NEO1: variants seen among roughly 807,000 people sequenced by gnomAD.
NEO1 encodes neogenin.
A neutral mutation model predicts 159.7 loss-of-function variants in NEO1; 63 were observed. That is an observed-to-expected ratio of 0.39 (90% CI 0.32 to 0.49). The LOEUF (loss-of-function observed/expected upper bound fraction) is 0.49. NEO1 is among the 20% of genes least tolerant of loss of function. NEO1 has a pLI of 0.85. For synonymous variants in NEO1, 633 were observed against 662.0 expected (o/e 0.96, Z 0.67); for missense variants, 1,615 against 1,831.0 (o/e 0.88, Z 2.15).
Position 73,258,819 on chromosome 15 carries a change from G to A in NEO1, c.2146G>A (p.Gly716Ser). Residue 716 changes from glycine to serine, a missense_variant, in exon 14 of 29, where the codon GGT (glycine) becomes AGT (serine). Transcript: ENST00000261908. ...NFRVAALTIN[G>S]TGPATDWLSA... ...CCGAGTGGCTGCTCTAACAATCAAT[G>A]GTACAGGCCCGGCAACTGACTGGCT... 2 of 1,613,906 alleles carry A rather than the reference G, an allele frequency of 1.2e-6. No homozygotes were observed. The highest frequency in any genetic ancestry group is 1.7e-6 in the Non-Finnish European group (2 of 1,179,892).
At chr15:73,301,292 A>G (rs1567737683) in intron 27 of NEO1, 29 bp from the exon 28 acceptor site, 1 of 1,613,806 alleles carries the variant, frequency 6.2e-7, no homozygotes, top group Admixed American at 1.7e-5. Flanking sequence ...AGGCTTGGCC[A>G]CATATCTGAT....
At chr15:73,201,585 G>A (rs2036891475) in intron 7 of NEO1, among the ~76,000 whole-genome samples, 2 of 152,072 alleles carry the variant, frequency 1.3e-5, no homozygotes, top group Non-Finnish European at 2.9e-5. Context: ...AATTGATATA[G>A]ATGACTGTTC....
At position 73,258,832 on chromosome 15, in the gene NEO1, C is replaced by T. The variant is rs766096952; in HGVS notation, c.2159C>T (p.Ala720Val). ...CTAACAATCAATGGTACAGGCCCGG[C>T]AACTGACTGGCTGTCTGCTGAAACT... ...AALTINGTGP[A>V]TDWLSAETFE... is the part of the protein sequence containing the mutation. The change falls in exon 14 of 29, where the codon GCA (alanine) becomes GTA (valine). Residue 720 changes from alanine (A) to valine (V), a missense_variant. By Grantham distance (64) the Ala-to-Val change is moderately conservative. Around this residue, in one of 3 missense-constraint regions of NEO1, gnomAD observed 1,018 missense variants for 1,115.4 expected, o/e 0.91. Coordinates refer to ENST00000261908, the MANE Select transcript of NEO1 (RefSeq NM_002499.4). 1.2e-6 allele frequency: 2 copies of T among 1,613,880 alleles called. No individual in the cohort carries two copies. The highest frequency in any genetic ancestry group is 1.7e-6 in the Non-Finnish European group (2 of 1,179,874).
chr15:73,263,497 A>G (rs2040733518), intron 15 of NEO1, among the ~76,000 whole-genome samples: 1 of 152,068 alleles, frequency 6.6e-6, no homozygotes, highest in South Asian at 2.1e-4. Flanking sequence ...ACCCGGCCTC[A>G]TTGTTGATTT....
chr15:73,096,343 T>C (rs974505021), intron 1 of NEO1, among the ~76,000 whole-genome samples: 1 of 152,214 alleles, frequency 6.6e-6, no homozygotes, highest in Non-Finnish European at 1.5e-5. Flanking sequence ...ATGGAAATTT[T>C]AGACAAGTGG....
chr15:73,094,932 T>C (rs1295442089), intron 1 of NEO1, among the ~76,000 whole-genome samples: 2 of 152,148 alleles, frequency 1.3e-5, no homozygotes, highest in East Asian at 3.9e-4. Flanking sequence ...ATAGCTAGGC[T>C]GGGCACGGTG....
At chr15:73,150,403 A>AT (rs1373928508) in intron 5 of NEO1, among the ~76,000 whole-genome samples, 1 of 152,216 alleles carries the variant, frequency 6.6e-6, no homozygotes, top group East Asian at 1.9e-4. Context: ...TGTTTTCAAC[A>AT]TTTTTTTGTG....
chr15:73,108,779 TGAAG>T (rs1185003361), intron 1 of NEO1, among the ~76,000 whole-genome samples: 2 of 152,150 alleles, frequency 1.3e-5, no homozygotes, highest in Admixed American at 6.5e-5. Context: ...GGTTAAAACA[TGAAG>T]GAAGAAGCTA....
chr15:73,115,159 C>T (rs1442100816), intron 1 of NEO1, among the ~76,000 whole-genome samples: 2 of 152,158 alleles, frequency 1.3e-5, no homozygotes, highest in Non-Finnish European at 2.9e-5. Flanking sequence ...TTTCCCGCCT[C>T]AGCCTCCCAA....
intron 22 of NEO1, among the ~76,000 whole-genome samples, chr15:73,280,160 C>T (rs1404560960): frequency 1.3e-5 from 2 of 151,892 alleles, no homozygotes; most frequent in East Asian, 1.9e-4. Context: ...GTGGTATGCA[C>T]GTGTAATCCC....
chr15:73,274,808 T>C, intron 21 of NEO1, 84 bp downstream of exon 21: 1 of 1,375,922 alleles, frequency 7.3e-7, no homozygotes. Context: ...TTTTTTTTTT[T>C]TTTTCCTGAA....
chr15:73,301,672 TC>T, intron 28 of NEO1: 3 of 573,902 alleles, frequency 5.2e-6, no homozygotes, highest in Admixed American at 3.1e-5. Context: ...CCATATCCAC[TC>T]TTTTTTTTTT....
At chr15:73,241,998 T>C (rs1216048758) in intron 8 of NEO1, among the ~76,000 whole-genome samples, 1 of 152,200 alleles carries the variant, frequency 6.6e-6, no homozygotes, top group Non-Finnish European at 1.5e-5. Context: ...ATTCATTCAA[T>C]GTATGTTTGG....
At chr15:73,210,114 T>C (rs2037472611) in intron 7 of NEO1, among the ~76,000 whole-genome samples, 1 of 152,226 alleles carries the variant, frequency 6.6e-6, no homozygotes, top group Admixed American at 6.5e-5. Context: ...CTGTTGTTGT[T>C]GTTGTTTGCA....
rs925598805 is a variant in NEO1, at chr15:73,165,498, G to C, written c.1016-10905G>C. 3.3e-5 allele frequency among the ~76,000 whole-genome samples: 5 copies of C among 152,170 alleles called. No homozygotes were observed. The South Asian group carries it at 1.0e-3, about 32-fold the overall frequency. On this transcript the variant is annotated intron_variant, in intron 5 of 28. Transcript: ENST00000261908. ...AGAGCAGGTGAATTCAAACCATCCA[G>C]TAGTCAATTTTCTTAAATAGTCAAC...
rs1327088803 is a variant in NEO1, at chr15:73,274,674, C to A, written c.3161-18C>A. On this transcript the variant is annotated intron_variant, in intron 20 of 28. Coordinates refer to ENST00000261908, the MANE Select transcript of NEO1 (RefSeq NM_002499.4). ...ATCCTTGCTCTTGTTTTTTCTTCCCCTGTGCTTGGCCTGTTAGCGGACTCC... is the reference window on the plus strand; with the variant it reads ...ATCCTTGCTCTTGTTTTTTCTTCCCATGTGCTTGGCCTGTTAGCGGACTCC... The A allele has an allele frequency of 1.2e-6, 2 of 1,613,362 alleles. No individual in the cohort carries two copies. The highest frequency in any genetic ancestry group is 3.3e-4 in the Middle Eastern group (2 of 6,056).
chr15:73,162,936 G>C (rs1017792977), intron 5 of NEO1: 1 of 178,786 alleles, frequency 5.6e-6, no homozygotes, highest in African/African-American at 2.3e-5. Context: ...TCCATGGGGT[G>C]GTGGCACACA....
chr15:73,277,977 A>G (rs991760509), intron 21 of NEO1, among the ~76,000 whole-genome samples, 154 bp from the exon 22 acceptor site: 2 of 152,156 alleles, frequency 1.3e-5, no homozygotes, highest in African/African-American at 4.8e-5. Context: ...CCACACATAG[A>G]CTATAGATTC....
intron 7 of NEO1, among the ~76,000 whole-genome samples, chr15:73,180,049 T>C (rs983958581): frequency 3.3e-5 from 5 of 152,176 alleles, no homozygotes; most frequent in Admixed American, 6.6e-5. Flanking sequence ...TAAGGGTACC[T>C]GTTGGGTGCA....
Sources: allele counts gnomAD v4.1 joint callset (sites outside exome capture counted in the v4.1 genomes callset), GRCh38; gene constraint gnomAD v4.1.1; regional missense constraint gnomAD v4.1.1; transcripts MANE v1.5; gene names NCBI Gene and HGNC (gene_info 2026-07-23, HGNC 2026-07-21).